The following LCP2 variants were observed in gnomAD, a reference collection of about 807,000 sequenced individuals.
The protein encoded by LCP2 is 76 kDa tyrosine phosphoprotein.
A neutral mutation model predicts 74.5 loss-of-function variants in LCP2; 29 were observed. The ratio of observed to expected loss-of-function variants is 0.39; its 90% CI spans 0.29 to 0.53. LCP2 has a LOEUF of 0.53. Ranked by LOEUF, LCP2 falls within the 20% of genes least tolerant of loss-of-function variation. The pLI is 0.72. For synonymous variants in LCP2, 228 were observed against 229.5 expected (o/e 0.99, Z 0.06); for missense variants, 604 against 634.6 (o/e 0.95, Z 0.52).
At chr5:170,249,809 T>G (rs1027460333) in intron 20 of LCP2, among the ~76,000 whole-genome samples, 8 of 152,214 alleles carry the variant, frequency 5.3e-5, no homozygotes, top group Non-Finnish European at 1.2e-4. Flanking sequence ...AACAGGATAA[T>G]GCACTTCCTT....
At chr5:170,253,028 A>T (rs1269173569) in intron 18 of LCP2, 91 bp downstream of exon 18, 1 of 761,912 alleles carries the variant, frequency 1.3e-6, no homozygotes, top group African/African-American at 1.8e-5. Context: ...AAGGGAAGAT[A>T]AAAGTACAGA....
At chr5:170,265,609 AC>A (rs1279923266) in intron 10 of LCP2, among the ~76,000 whole-genome samples, 2 of 152,166 alleles carry the variant, frequency 1.3e-5, no homozygotes, top group African/African-American at 4.8e-5. Flanking sequence ...ATGTAATTAT[AC>A]AGCTCTCTAC....
At chr5:170,280,795 G>T (rs1413148812) in intron 3 of LCP2, among the ~76,000 whole-genome samples, 1 of 152,090 alleles carries the variant, frequency 6.6e-6, no homozygotes, top group Admixed American at 6.6e-5. Context: ...TTCACTTGAG[G>T]TCAGGAGTTC....
chr5:170,250,461 A>C (rs187591789), intron 20 of LCP2, among the ~76,000 whole-genome samples: 126 of 152,324 alleles, frequency 8.3e-4, no homozygotes, highest in African/African-American at 2.6e-3. Flanking sequence ...ATCTAAATAG[A>C]TTTTTTTAAG....
chr5:170,278,327 A>C (rs1382534891), intron 3 of LCP2, among the ~76,000 whole-genome samples: 2 of 68,484 alleles, frequency 2.9e-5, no homozygotes, highest in Non-Finnish European at 5.7e-5. Flanking sequence ...GGGGCTGGGG[A>C]GGGGGATGGG....
rs554784721 is a variant in LCP2 at position 170,248,781 on chromosome 5, C to T, written c.1518G>A (p.Arg506=). Residue 506 remains arginine, a synonymous_variant, in exon 21 of 21, where the codon AGG becomes AGA. Transcript: ENST00000046794. Reference sequence around the variant, plus strand: ...CATCAATGAGCAGAAGTGGCATTTTCCTGAAGTAGTCAATAATATCTGACA... The same window carrying T: ...CATCAATGAGCAGAAGTGGCATTTTTCTGAAGTAGTCAATAATATCTGACA... The part of the protein sequence containing the change: ...LSVSDIIDYF[R]KMPLLLIDGK... 2 of 1,611,990 alleles carry T rather than the reference C, an allele frequency of 1.2e-6. No individual in the cohort carries two copies. Among genetic ancestry groups the T allele is most frequent in the South Asian group, 2.2e-5 (2 of 90,874 alleles).
At position 170,262,666 on chromosome 5, in the gene LCP2, G is replaced by C; in HGVS notation, c.895C>G (p.Pro299Ala). 1 of 1,613,900 alleles carries C rather than the reference G, an allele frequency of 6.2e-7. No individual in the cohort carries two copies. Among genetic ancestry groups the C allele is most frequent in the African/African-American group, 1.3e-5 (1 of 75,066 alleles). The change falls in exon 13 of 21, where the codon CCC becomes GCC. Residue 299 changes from proline (P) to alanine (A), a missense_variant. Transcript: ENST00000046794. ...PTTERHERSSPLPGKKPPVPK... is the reference protein window; with the variant it reads ...PTTERHERSSALPGKKPPVPK... The stretch of plus-strand genomic sequence containing the variant: ...ACAGGTGGCTTCTTCCCTGGCAGGG[G>C]GCTGCTCCTTTCATGTCTTTCCGTG...
intron 7 of LCP2, among the ~76,000 whole-genome samples, chr5:170,269,839 C>T (rs896746925): frequency 2.6e-5 from 4 of 152,290 alleles, no homozygotes; most frequent in African/African-American, 4.8e-5. Flanking sequence ...ATTGCTTTTC[C>T]GGACCTCCAC....
chr5:170,248,605 C>T lies in LCP2; in HGVS notation c.*92G>A, dbSNP rs911900178. The stretch of plus-strand genomic sequence containing the variant: ...TGTGTTCATGGGGAGGGGTTCAGTT[C>T]AGTCCTAAGTGTTTGTCCATTGACC... On this transcript the variant is annotated 3_prime_UTR_variant, in exon 21 of 21. Coordinates refer to ENST00000046794, the MANE Select transcript of LCP2 (RefSeq NM_005565.5). The T allele has an allele frequency of 4.7e-5, 65 of 1,389,130 alleles. No individual in the cohort carries two copies. The highest frequency in any genetic ancestry group is 6.4e-5 in the Non-Finnish European group (64 of 996,166). 86.1% of individuals were successfully genotyped at this position (1,389,130 alleles called of 1,614,324 possible).
chr5:170,266,705 T>C (rs1761763467), intron 10 of LCP2, 103 bp downstream of exon 10: 2 of 969,308 alleles, frequency 2.1e-6, no homozygotes, highest in African/African-American at 1.6e-5. Flanking sequence ...CTTCCTAGTA[T>C]TGTGGCCATA....
chr5:170,259,594 C>G (rs756624571), intron 14 of LCP2, among the ~76,000 whole-genome samples: 1 of 152,144 alleles, frequency 6.6e-6, no homozygotes, highest in Non-Finnish European at 1.5e-5. Context: ...TTGGTTAGGC[C>G]AGATCTGTAA....
chr5:170,257,081 G>A (rs542430926), intron 16 of LCP2, among the ~76,000 whole-genome samples: 16 of 152,242 alleles, frequency 1.1e-4, no homozygotes, highest in Non-Finnish European at 1.9e-4. Context: ...GTGGGGAGGC[G>A]GGCCCAGAGG....
At chr5:170,280,128 T>G (rs1762074906) in intron 3 of LCP2, among the ~76,000 whole-genome samples, 1 of 152,116 alleles carries the variant, frequency 6.6e-6, no homozygotes, top group Non-Finnish European at 1.5e-5. Flanking sequence ...GTAGAGCGCA[T>G]TCTTGCCACA....
chr5:170,271,904 T>G (rs971016082), intron 6 of LCP2, among the ~76,000 whole-genome samples: 2 of 152,174 alleles, frequency 1.3e-5, no homozygotes, highest in African/African-American at 4.8e-5. Context: ...TTTACGTTGT[T>G]CTGTTGAGAG....
In LCP2 at chr5:170,290,602, A is replaced by G. The variant is rs117700369; in HGVS notation, c.142-2586T>C. Among the ~76,000 whole-genome samples, 174 of 152,304 alleles carry G rather than the reference A, an allele frequency of 1.1e-3. 3 individuals carry two copies. The East Asian group carries it at 0.029, about 25-fold the overall frequency. ...TGCCTGCCATGGAGATATGATGCCT[A>G]AAGGTGGAGTAGCCAACTGACAACT... On this transcript the variant is annotated intron_variant, in intron 2 of 20. Transcript: ENST00000046794.
At chr5:170,271,012 G>T in intron 6 of LCP2, 95 bp from the exon 7 acceptor site, 2 of 1,124,016 alleles carry the variant, frequency 1.8e-6, no homozygotes, top group South Asian at 1.6e-5. Flanking sequence ...CCTCACAACA[G>T]TATAACCCGG....
In LCP2 at chr5:170,258,530, C is replaced by A; in HGVS notation, c.970+336G>T. 2 of 356,564 alleles carry A rather than the reference C, an allele frequency of 5.6e-6. 1 individual carries two copies. The highest frequency in any genetic ancestry group is 1.5e-4 in the South Asian group (2 of 13,258). The allele number at this position is 356,564 out of a possible 1,614,324, so 22.1% of individuals were successfully genotyped here. A position where few individuals can be genotyped will look rare whatever the true frequency, so the allele number is the denominator to read the frequency against. On this transcript the variant is annotated intron_variant, in intron 15 of 20. Transcript: ENST00000046794. ...TGAAAGTCAAAATTTTATGCTATCT[C>A]ATTCATTGGCAGTTACTGATTCTTT...
At chr5:170,260,702 T>C (rs955121510) in intron 14 of LCP2, among the ~76,000 whole-genome samples, 4 of 152,234 alleles carry the variant, frequency 2.6e-5, no homozygotes, top group Non-Finnish European at 5.9e-5. Flanking sequence ...TGGTAAGCAT[T>C]CAAGAAATGC....
At chr5:170,297,326 G>A (rs1298766888) in intron 1 of LCP2, among the ~76,000 whole-genome samples, 5 of 152,146 alleles carry the variant, frequency 3.3e-5, no homozygotes, top group Non-Finnish European at 7.3e-5. Flanking sequence ...ACTCATTTGA[G>A]GGCTTCTGCT....
Sources: allele counts gnomAD v4.1 joint callset (sites outside exome capture counted in the v4.1 genomes callset), GRCh38; gene constraint gnomAD v4.1.1; transcripts MANE v1.5; gene names NCBI Gene and HGNC (gene_info 2026-07-23, HGNC 2026-07-21).